ADAM32: variants seen among roughly 807,000 people sequenced by gnomAD.
The protein encoded by ADAM32 is ADAM metallopeptidase domain 32, also known as disintegrin and metalloproteinase domain-containing protein 32.
Under a neutral mutation model 114.9 loss-of-function variants are expected in ADAM32, and 89 were observed. The ratio of observed to expected loss-of-function variants is 0.77; its 90% CI spans 0.65 to 0.92. The LOEUF is 0.92. Ranked by LOEUF, ADAM32 falls within the 40% of genes least tolerant of loss-of-function variation. The pLI, the probability that ADAM32 is intolerant of heterozygous loss-of-function variation, is 0.00. For synonymous variants in ADAM32, 285 were observed against 307.5 expected (o/e 0.93, Z 0.77); for missense variants, 870 against 932.8 (o/e 0.93, Z 0.88).
intron 11 of ADAM32, among the ~76,000 whole-genome samples, chr8:39,188,832 GTATTA>G (rs796747859): frequency 2.0e-4 from 31 of 152,134 alleles, no homozygotes; most frequent in African/African-American, 7.5e-4. Context: ...TATGAGTAGA[GTATTA>G]TATTAATTTT....
chr8:39,276,015 A>G, intron 22 of ADAM32, 149 bp downstream of exon 22: 3 of 586,006 alleles, frequency 5.1e-6, no homozygotes, highest in Non-Finnish European at 8.4e-6. Context: ...CTATTTGCTG[A>G]TCTAGTAACT....
rs549562737 is a variant in ADAM32 at position 39,247,908 on chromosome 8, T to C, written c.1902+1742T>C. Among the ~76,000 whole-genome samples, 20 of 152,096 alleles carry C rather than the reference T, an allele frequency of 1.3e-4. No individual in the cohort carries two copies. In the South Asian group the frequency reaches 3.9e-3, roughly 30 times the overall value. On this transcript the variant is annotated intron_variant, in intron 17 of 24. Transcript: ENST00000379907. Reference sequence around the variant, plus strand: ...TGTGTCTAGATTCTTTTTTTTTTCCTGCATTTTGATGTCTAGCTAGTACCA... The same window carrying C: ...TGTGTCTAGATTCTTTTTTTTTTCCCGCATTTTGATGTCTAGCTAGTACCA...
At chr8:39,176,761 G>C (rs944454214) in intron 10 of ADAM32, among the ~76,000 whole-genome samples, 2 of 152,122 alleles carry the variant, frequency 1.3e-5, no homozygotes, top group African/African-American at 4.8e-5. Context: ...CTGTCTCAAT[G>C]ATTTGTCTAA....
chr8:39,272,087 G>A (rs1375901014), intron 20 of ADAM32, among the ~76,000 whole-genome samples: 1 of 124,666 alleles, frequency 8.0e-6, no homozygotes, highest in Non-Finnish European at 1.6e-5. Context: ...AGCCATGATC[G>A]CCAGTGAGCT....
chr8:39,170,672 C>T (rs952937648), intron 10 of ADAM32, among the ~76,000 whole-genome samples: 1 of 151,694 alleles, frequency 6.6e-6, no homozygotes, highest in Non-Finnish European at 1.5e-5. Context: ...TTGCATTTTG[C>T]CACCAGGTGG....
intron 18 of ADAM32, among the ~76,000 whole-genome samples, chr8:39,255,560 A>G (rs530383970): frequency 6.6e-6 from 1 of 151,700 alleles, no homozygotes; most frequent in Admixed American, 6.6e-5. Context: ...TCCTTAGCCC[A>G]TGTTTTGATG....
At position 39,107,774 on chromosome 8, in the gene ADAM32, C is replaced by G. The variant is rs140363034; in HGVS notation, c.-2C>G. On this transcript the variant is annotated 5_prime_UTR_variant, in exon 1 of 25. Coordinates refer to ENST00000379907, the MANE Select transcript of ADAM32 (RefSeq NM_145004.7). ...TCCCGCTGGCAGCCCCGAAGCCGCACCATGTTCCGCCTCTGGTTGCTGCTG... is the reference window on the plus strand; with the variant it reads ...TCCCGCTGGCAGCCCCGAAGCCGCAGCATGTTCCGCCTCTGGTTGCTGCTG... 2.6e-6 allele frequency: 4 copies of G among 1,550,576 alleles called. No individual in the cohort carries two copies. In the African/African-American group the frequency reaches 5.5e-5, roughly 21 times the overall value.
chr8:39,238,354 G>A (rs1810332049), intron 16 of ADAM32, among the ~76,000 whole-genome samples: 2 of 152,180 alleles, frequency 1.3e-5, no homozygotes, highest in South Asian at 4.1e-4. Flanking sequence ...TGGCTCTCAG[G>A]AAGCCCTATC....
chr8:39,109,027 G>C (rs559238688), intron 1 of ADAM32, among the ~76,000 whole-genome samples: 108 of 152,248 alleles, frequency 7.1e-4, no homozygotes, highest in Admixed American at 1.2e-3. Context: ...TGTCACATTG[G>C]GGGTTAGGGA....
rs371015516 is a variant in ADAM32, at chr8:39,129,350, A to G, written c.139-7307A>G. 2.6e-3 allele frequency among the ~76,000 whole-genome samples: 398 copies of G among 152,184 alleles called. 5 individuals carry two copies. The highest frequency in any genetic ancestry group is 9.3e-3 in the African/African-American group (386 of 41,562). On this transcript the variant is annotated intron_variant, in intron 2 of 24. Coordinates refer to ENST00000379907, the MANE Select transcript of ADAM32 (RefSeq NM_145004.7). ...TCTTGTTAACTAGTGAGGTTTTTGT[A>G]AAGGCCTTTATCATGTTCAGGAGGT...
chr8:39,189,491 TATA>T (rs1286006457), intron 11 of ADAM32, among the ~76,000 whole-genome samples: 2 of 152,186 alleles, frequency 1.3e-5, no homozygotes, highest in Non-Finnish European at 1.5e-5. Flanking sequence ...TCTATTGATA[TATA>T]ATAATTGTAC....
intron 17 of ADAM32, among the ~76,000 whole-genome samples, chr8:39,247,507 C>A (rs544614222): frequency 6.6e-6 from 1 of 151,772 alleles, no homozygotes; most frequent in South Asian, 2.1e-4. Flanking sequence ...TGGTGAGGGG[C>A]CTTTTAAAGT....
Position 39,118,100 on chromosome 8 carries a change from C to G in ADAM32, c.73C>G (p.Leu25Val). ...LASRPGFQNS[L>V]LQIVIPEKIQ... is the part of the protein sequence containing the mutation. ...TATCTCTTCAGGTTTTCAAAATTCA[C>G]TTCTACAGATCGTAATTCCAGAGAA... Residue 25 changes from leucine (L) to valine (V), a missense_variant, in exon 2 of 25, where the codon CTT (leucine) becomes GTT (valine). Leu to Val is a conservative substitution (Grantham distance 32). Transcript: ENST00000379907. 1 of 1,478,064 alleles carries G rather than the reference C, an allele frequency of 6.8e-7. No individual in the cohort carries two copies. The highest frequency in any genetic ancestry group is 1.5e-5 in the African/African-American group (1 of 68,808). The allele number at this position is 1,478,064 out of a possible 1,614,324, so 91.6% of individuals were successfully genotyped here.
intron 10 of ADAM32, among the ~76,000 whole-genome samples, chr8:39,171,434 G>A (rs4733986): frequency 0.47 from 71,808 of 151,840 alleles, 18,189 homozygotes; most frequent in South Asian, 0.69. Flanking sequence ...CTTCTACTTC[G>A]TGTGTTTCTC....
intron 11 of ADAM32, among the ~76,000 whole-genome samples, chr8:39,201,536 T>A (rs975640901): frequency 6.6e-6 from 1 of 152,232 alleles, no homozygotes. Flanking sequence ...GGCTGAGACG[T>A]TGGGGTTTTC....
At chr8:39,202,594 AT>A (rs1327384956) in intron 11 of ADAM32, among the ~76,000 whole-genome samples, 17 of 151,914 alleles carry the variant, frequency 1.1e-4, no homozygotes, top group Non-Finnish European at 2.1e-4. Context: ...GGATTCATTG[AT>A]TTTTTTGAAG....
At chr8:39,139,587 A>G (rs1211447804) in intron 3 of ADAM32, among the ~76,000 whole-genome samples, 2 of 152,154 alleles carry the variant, frequency 1.3e-5, no homozygotes, top group Non-Finnish European at 2.9e-5. Flanking sequence ...GCCTTGTAGT[A>G]TAGTTTGAAG....
At chr8:39,180,289 C>T (rs990678236) in intron 10 of ADAM32, among the ~76,000 whole-genome samples, 5 of 152,208 alleles carry the variant, frequency 3.3e-5, no homozygotes, top group African/African-American at 1.2e-4. Flanking sequence ...TACTGGGTCC[C>T]CCAGCAGTGC....
chr8:39,276,202 C>T (rs1813061018), intron 22 of ADAM32: 1 of 206,900 alleles, frequency 4.8e-6, no homozygotes, highest in African/African-American at 2.3e-5. Flanking sequence ...GGGAAGTTTA[C>T]TTTTTTATTT....
Sources: allele counts gnomAD v4.1 joint callset (sites outside exome capture counted in the v4.1 genomes callset), GRCh38; gene constraint gnomAD v4.1.1; transcripts MANE v1.5; gene names NCBI Gene and HGNC (gene_info 2026-07-23, HGNC 2026-07-21).